Variants in MAP3K19 observed in about 807,000 individuals in gnomAD.
MAP3K19 encodes SPS1/STE20-related protein kinase YSK4.
Under a neutral mutation model 114.4 loss-of-function variants are expected in MAP3K19, and 91 were observed. The ratio of observed to expected loss-of-function variants is 0.80; its 90% confidence interval spans 0.67 to 0.95. The LOEUF (loss-of-function observed/expected upper bound fraction) is 0.95, where lower values mean the gene tolerates loss of function less well. MAP3K19 is among the 40% of genes least tolerant of loss of function. MAP3K19 has a pLI of 0.00. For synonymous variants in MAP3K19, 518 were observed against 530.5 expected (o/e 0.98, Z 0.32); for missense variants, 1,471 against 1,573.2 (o/e 0.94, Z 1.10).
At chr2:135,044,070 A>G (rs1338132597) in intron 1 of MAP3K19, among the ~76,000 whole-genome samples, 2 of 152,242 alleles carry the variant, frequency 1.3e-5, no homozygotes, top group Non-Finnish European at 2.9e-5. Context: ...AAGTTACATA[A>G]TAATAACAAT....
chr2:135,041,379 C>A (rs941839827), intron 1 of MAP3K19, among the ~76,000 whole-genome samples: 1 of 151,458 alleles, frequency 6.6e-6, no homozygotes, highest in East Asian at 1.9e-4. Context: ...CTCACTCTCT[C>A]GCCCAGGCTA....
chr2:135,024,882 A>T (rs895290580), intron 3 of MAP3K19, 141 bp from the exon 4 acceptor site: 3 of 463,706 alleles, frequency 6.5e-6, no homozygotes, highest in Admixed American at 4.0e-5. Flanking sequence ...TGATTTCAAA[A>T]TGTGTGAATA....
Position 134,964,900 on chromosome 2 carries a change from G to T in MAP3K19, c.3937C>A (p.Pro1313Thr). 6.2e-7 allele frequency: 1 copy of T among 1,612,896 alleles called. No homozygotes were observed. Among genetic ancestry groups the T allele is most frequent in the Non-Finnish European group, 8.5e-7 (1 of 1,179,266 alleles). ...TGCTTCAGGAGCTGGAGAGCAGAAGGTCGCTCATGCTGGTCCCTAAGAAGG... is the reference window on the plus strand; with the variant it reads ...TGCTTCAGGAGCTGGAGAGCAGAAGTTCGCTCATGCTGGTCCCTAAGAAGG... The part of the protein sequence containing the change: ...MCLTRDQHER[P>T]SALQLLKHSF... Residue 1313 changes from proline to threonine, a missense_variant, in exon 13 of 13, where the codon CCT becomes ACT. Transcript: ENST00000392915.
intron 5 of MAP3K19, among the ~76,000 whole-genome samples, chr2:135,013,523 A>G (rs1024767001): frequency 1.3e-5 from 2 of 152,190 alleles, no homozygotes; most frequent in Non-Finnish European, 2.9e-5. Context: ...TGTATCCACC[A>G]TTATAGAATC....
chr2:135,001,096 C>T (rs1215421853), intron 6 of MAP3K19, among the ~76,000 whole-genome samples: 1 of 150,916 alleles, frequency 6.6e-6, no homozygotes, highest in East Asian at 1.9e-4. Context: ...AATTTTTATA[C>T]CTGTGCCATT....
At chr2:135,035,124 C>T (rs1350242982) in intron 2 of MAP3K19, among the ~76,000 whole-genome samples, 4 of 151,580 alleles carry the variant, frequency 2.6e-5, no homozygotes, top group Non-Finnish European at 5.9e-5. Flanking sequence ...AGGCCAAGCA[C>T]GGTGGCTCAC....
intron 2 of MAP3K19, among the ~76,000 whole-genome samples, chr2:135,033,651 G>A (rs1185909829): frequency 3.0e-5 from 1 of 33,298 alleles, no homozygotes; most frequent in Non-Finnish European, 4.8e-5. Context: ...AGGGGTGGCT[G>A]GGCAGAGGCG....
In MAP3K19 at chr2:135,018,991, G is replaced by A. The variant is rs61273340; in HGVS notation, c.138+2724C>T. 4.9e-3 allele frequency among the ~76,000 whole-genome samples: 752 copies of A among 151,958 alleles called. 6 individuals are homozygous for A. Among genetic ancestry groups the A allele is most frequent in the African/African-American group, 0.017 (715 of 41,422 alleles). On this transcript the variant is annotated intron_variant, in intron 5 of 12. Transcript: ENST00000392915. ...TCCCAGCTACTCAGGAGGCAGAGACGGGAAAATTGCTTGGGAGGCAGAGGT... is the reference window on the plus strand; with the variant it reads ...TCCCAGCTACTCAGGAGGCAGAGACAGGAAAATTGCTTGGGAGGCAGAGGT...
At chr2:135,042,956 A>G (rs533319886) in intron 1 of MAP3K19, among the ~76,000 whole-genome samples, 1 of 151,576 alleles carries the variant, frequency 6.6e-6, no homozygotes, top group Non-Finnish European at 1.5e-5. Context: ...GGTGGCGCGC[A>G]CCTGTAATCC....
chr2:134,985,749 T>C, intron 10 of MAP3K19, 51 bp downstream of exon 10: 1 of 1,456,942 alleles, frequency 6.9e-7, no homozygotes, highest in African/African-American at 1.4e-5. Context: ...AACCAGATTG[T>C]CTCTGAGGTC....
chr2:134,967,528 C>T (rs1022963838), intron 12 of MAP3K19, among the ~76,000 whole-genome samples: 4 of 152,242 alleles, frequency 2.6e-5, no homozygotes, highest in African/African-American at 4.8e-5. Context: ...ATGTTTGCAG[C>T]AATGCTGCCT....
intron 3 of MAP3K19, among the ~76,000 whole-genome samples, chr2:135,026,538 GAGAA>G (rs2104778635): frequency 6.6e-6 from 1 of 151,140 alleles, no homozygotes; most frequent in African/African-American, 2.4e-5. Flanking sequence ...ATGAAGTACT[GAGAA>G]AGAGCTCAGG....
At chr2:134,995,250 A>C (rs1162709027) in intron 8 of MAP3K19, among the ~76,000 whole-genome samples, 1 of 149,834 alleles carries the variant, frequency 6.7e-6, no homozygotes, top group East Asian at 2.0e-4. Context: ...CAGAAGACGG[A>C]GGCTGCAGGG....
At chr2:135,010,279 TG>T (rs1185120053) in intron 5 of MAP3K19, among the ~76,000 whole-genome samples, 1 of 152,158 alleles carries the variant, frequency 6.6e-6, no homozygotes, top group African/African-American at 2.4e-5. Context: ...TCAAAAAGGA[TG>T]TAGGGAGTAA....
chr2:134,979,201 T>G (rs537180884), intron 12 of MAP3K19, among the ~76,000 whole-genome samples: 1 of 152,328 alleles, frequency 6.6e-6, no homozygotes, highest in South Asian at 2.1e-4. Context: ...AATTATATAC[T>G]TGTATATGAC....
At chr2:134,965,156 A>G (rs1683249595) in intron 12 of MAP3K19, among the ~76,000 whole-genome samples, 1 of 152,184 alleles carries the variant, frequency 6.6e-6, no homozygotes, top group Non-Finnish European at 1.5e-5. Flanking sequence ...TAAATAATAT[A>G]TATACAACTT....
intron 11 of MAP3K19, 135 bp from the exon 12 acceptor site, chr2:134,981,653 A>C: frequency 1.5e-6 from 1 of 686,604 alleles, no homozygotes; most frequent in Non-Finnish European, 2.4e-6. Flanking sequence ...CCCTTCCTAA[A>C]TGCAAAGTGT....
At chr2:135,010,779 G>A (rs1157554421) in intron 5 of MAP3K19, among the ~76,000 whole-genome samples, 1 of 151,964 alleles carries the variant, frequency 6.6e-6, no homozygotes, top group African/African-American at 2.4e-5. Context: ...ACAGAGGCAC[G>A]CCCCCATAAC....
At chr2:135,003,773 T>C (rs1454471377) in intron 6 of MAP3K19, among the ~76,000 whole-genome samples, 1 of 152,186 alleles carries the variant, frequency 6.6e-6, no homozygotes, top group Non-Finnish European at 1.5e-5. Context: ...AGGCTGGTCT[T>C]GAACTCCTGA....
Sources: allele counts gnomAD v4.1 joint callset (sites outside exome capture counted in the v4.1 genomes callset), GRCh38; gene constraint gnomAD v4.1.1; transcripts MANE v1.5; gene names NCBI Gene and HGNC (gene_info 2026-07-23, HGNC 2026-07-21).